The following EHF variants were observed in gnomAD, a reference collection of about 807,000 sequenced individuals.
The protein encoded by EHF is ETS homologous factor.
A neutral mutation model predicts 45.1 loss-of-function variants in EHF; 14 were observed. The observed-to-expected ratio is 0.31, with a 90% CI of 0.21 to 0.49. EHF has a LOEUF of 0.49. Ranked by LOEUF, EHF falls within the 20% of genes least tolerant of loss-of-function variation. EHF has a pLI of 0.99. For missense variants in EHF, 282 were observed against 371.4 expected, an observed-to-expected ratio of 0.76 and a Z score of 1.98; for synonymous variants, 136 against 131.8, an observed-to-expected ratio of 1.03 and a Z score of -0.22.
At chr11:34,653,466 G>T (rs952874927) in intron 6 of EHF, among the ~76,000 whole-genome samples, 1 of 152,126 alleles carries the variant, frequency 6.6e-6, no homozygotes, top group East Asian at 1.9e-4. Context: ...TGAGTCCACC[G>T]ATTGTATTTT....
chr11:34,632,929 C>T (rs183671108), intron 1 of EHF, among the ~76,000 whole-genome samples: 3 of 152,192 alleles, frequency 2.0e-5, no homozygotes, highest in South Asian at 4.1e-4. Flanking sequence ...TTGTAATGGC[C>T]GGATAAGCAT....
rs1369368017 is a variant in EHF, at chr11:34,659,145, TAC to T, written c.*218_*219del. 4.6e-6 allele frequency: 2 copies of T among 433,612 alleles called. No individual in the cohort carries two copies. The highest frequency in any genetic ancestry group is 8.7e-5 in the South Asian group (2 of 22,940). 26.9% of individuals were successfully genotyped at this position (433,612 alleles called of 1,614,324 possible). ...GTATGTCCTATATGGGGAAAAAACG[TAC>T]ACAGTTTTCTGTGAAATATGATGCT... On this transcript the variant is annotated 3_prime_UTR_variant, in exon 9 of 9. Coordinates refer to ENST00000257831, the MANE Select transcript of EHF (RefSeq NM_012153.6).
chr11:34,649,950 T>C (rs557997957), intron 4 of EHF, among the ~76,000 whole-genome samples: 4 of 152,374 alleles, frequency 2.6e-5, no homozygotes, highest in African/African-American at 9.6e-5. Flanking sequence ...ATAAGTGGGC[T>C]GGCCTACCAT....
At chr11:34,656,804 T>C (rs1013248736) in intron 6 of EHF, 104 bp from the exon 7 acceptor site, 3 of 1,295,364 alleles carry the variant, frequency 2.3e-6, no homozygotes, top group South Asian at 2.7e-5. Context: ...GTGCCAGGCA[T>C]GCAGTAGGTG....
At chr11:34,640,067 C>G (rs942818259) in intron 1 of EHF, among the ~76,000 whole-genome samples, 2 of 151,806 alleles carry the variant, frequency 1.3e-5, no homozygotes, top group Admixed American at 6.6e-5. Context: ...TGTGCATGAC[C>G]TCATTTGATT....
At chr11:34,630,074 G>A (rs1852736625) in intron 1 of EHF, among the ~76,000 whole-genome samples, 1 of 152,180 alleles carries the variant, frequency 6.6e-6, no homozygotes, top group Admixed American at 6.5e-5. Flanking sequence ...TAGGGTACAA[G>A]GATGATCAAT....
chr11:34,625,064 G>A (rs1427879095), intron 1 of EHF, among the ~76,000 whole-genome samples: 4 of 152,192 alleles, frequency 2.6e-5, no homozygotes, highest in East Asian at 1.9e-4. Flanking sequence ...GGATAAGCAC[G>A]AATCTGTGAG....
rs1855970565 is a variant in EHF at position 34,659,775 on chromosome 11, C to G, written c.*844C>G. On this transcript the variant is annotated 3_prime_UTR_variant, in exon 9 of 9. Coordinates refer to ENST00000257831, the MANE Select transcript of EHF (RefSeq NM_012153.6). ...TGTGGAAATGGCTGAAGAGTTTGCTCTTGTATCCCTATAGTCCAAGGTTTC... is the reference window on the plus strand; with the variant it reads ...TGTGGAAATGGCTGAAGAGTTTGCTGTTGTATCCCTATAGTCCAAGGTTTC... 1 of 152,114 alleles carries G rather than the reference C, an allele frequency of 6.6e-6. No homozygotes were observed. Among genetic ancestry groups the G allele is most frequent in the African/African-American group, 2.4e-5 (1 of 41,420 alleles). 9.4% of individuals were successfully genotyped at this position (152,114 alleles called of 1,614,324 possible). A position where few individuals can be genotyped will look rare whatever the true frequency, so the allele number is the denominator to read the frequency against.
At chr11:34,632,713 A>T in intron 1 of EHF, 1 of 1,521,328 alleles carries the variant, frequency 6.6e-7, no homozygotes. Context: ...GCCCCATTCC[A>T]TTCACAACAG....
chr11:34,645,552 C>A (rs756222602), intron 2 of EHF, among the ~76,000 whole-genome samples: 2 of 152,094 alleles, frequency 1.3e-5, no homozygotes, highest in Non-Finnish European at 2.9e-5. Flanking sequence ...GAGACCTGTA[C>A]AGAAAAGCAG....
intron 4 of EHF, among the ~76,000 whole-genome samples, chr11:34,650,614 G>A (rs286899): frequency 0.12 from 18,429 of 152,210 alleles, 1,188 homozygotes; most frequent in African/African-American, 0.17. Context: ...CTAGGTCTGC[G>A]GTGAGGAGAA....
At position 34,659,150 on chromosome 11, in the gene EHF, A is replaced by G. The variant is rs901741338; in HGVS notation, c.*219A>G. On this transcript the variant is annotated 3_prime_UTR_variant, in exon 9 of 9. Coordinates refer to ENST00000257831, the MANE Select transcript of EHF (RefSeq NM_012153.6). ...TCCTATATGGGGAAAAAACGTACAC[A>G]GTTTTCTGTGAAATATGATGCTGTA... 7.0e-6 allele frequency: 3 copies of G among 427,332 alleles called. No individual in the cohort carries two copies. The highest frequency in any genetic ancestry group is 4.5e-5 in the South Asian group (1 of 22,282). 26.5% of individuals were successfully genotyped at this position (427,332 alleles called of 1,614,324 possible). A position where few individuals can be genotyped will look rare whatever the true frequency, so the allele number is the denominator to read the frequency against.
intron 1 of EHF, among the ~76,000 whole-genome samples, chr11:34,626,530 A>T (rs916071551): frequency 1.3e-5 from 2 of 152,220 alleles, no homozygotes; most frequent in Non-Finnish European, 2.9e-5. Context: ...GCCTCATTTC[A>T]TCTAGTCATG....
At chr11:34,629,859 G>A (rs1852710889) in intron 1 of EHF, among the ~76,000 whole-genome samples, 1 of 151,088 alleles carries the variant, frequency 6.6e-6, no homozygotes, top group African/African-American at 2.4e-5. Context: ...ATTTCCCAAG[G>A]TTTTTTTTTT....
intron 4 of EHF, 115 bp downstream of exon 4, chr11:34,649,196 C>A (rs1197413085): frequency 9.2e-7 from 1 of 1,082,824 alleles, no homozygotes; most frequent in Non-Finnish European, 1.4e-6. Flanking sequence ...CACAGGGAGG[C>A]CTTTTCCCTG....
At position 34,630,466 on chromosome 11, in the gene EHF, T is replaced by C. The variant is rs1027932013; in HGVS notation, c.-4+9238T>C. ...ATATGAACTATTATCACTGTCATAG[T>C]TTTTGTTGTTGTTTTCTAATTATAT... On this transcript the variant is annotated intron_variant, in intron 1 of 8. Transcript: ENST00000257831. 2.6e-5 allele frequency among the ~76,000 whole-genome samples: 4 copies of C among 152,270 alleles called. No homozygotes were observed. The South Asian group carries it at 8.3e-4, about 32-fold the overall frequency.
chr11:34,642,449 A>G (rs1192496823), intron 1 of EHF, 179 bp from the exon 2 acceptor site: 2 of 529,292 alleles, frequency 3.8e-6, no homozygotes, highest in East Asian at 6.0e-5. Context: ...TTGAACCTGG[A>G]AATTTTTAAT....
chr11:34,649,928 A>T (rs917658856), intron 4 of EHF, among the ~76,000 whole-genome samples: 3 of 152,224 alleles, frequency 2.0e-5, no homozygotes, highest in African/African-American at 7.2e-5. Flanking sequence ...CCATGCAGTT[A>T]TTTACCCTTT....
chr11:34,652,258 A>G (rs1375697548), intron 6 of EHF, among the ~76,000 whole-genome samples: 1 of 152,248 alleles, frequency 6.6e-6, no homozygotes, highest in South Asian at 2.1e-4. Flanking sequence ...AGGGGTAGCC[A>G]TTGGAAACTT....
Sources: allele counts gnomAD v4.1 joint callset (sites outside exome capture counted in the v4.1 genomes callset), GRCh38; gene constraint gnomAD v4.1.1; transcripts MANE v1.5; gene names NCBI Gene and HGNC (gene_info 2026-07-23, HGNC 2026-07-21).